Variants in MRPS28 observed in about 807,000 individuals in gnomAD.
The protein encoded by MRPS28 is mitochondrial ribosomal protein S28, also known as small ribosomal subunit protein bS1m.
Under a neutral mutation model 10.8 loss-of-function variants are expected in MRPS28, and 7 were observed. That is an observed-to-expected ratio of 0.65 (90% CI 0.37 to 1.22). The LOEUF (loss-of-function observed/expected upper bound fraction) is 1.22. Among genes scored for constraint, MRPS28 ranks in the 50% most tolerant of loss-of-function variants. The pLI is 0.02. For missense variants in MRPS28, 265 were observed against 232.9 expected (o/e 1.14, Z -0.90); for synonymous variants, 121 against 93.3 (o/e 1.30, Z -1.71).
intron 2 of MRPS28, among the ~76,000 whole-genome samples, chr8:79,943,899 T>C (rs892994878): frequency 2.0e-5 from 3 of 152,186 alleles, no homozygotes; most frequent in African/African-American, 7.2e-5. Context: ...ACCAGTGTGA[T>C]AGTGTGATGT....
intron 2 of MRPS28, among the ~76,000 whole-genome samples, chr8:79,960,620 C>T (rs552486843): frequency 1.3e-5 from 2 of 152,050 alleles, no homozygotes; most frequent in Admixed American, 1.3e-4. Flanking sequence ...GGAAACCTTC[C>T]AAAATATATG....
chr8:79,998,049 T>C (rs1037102726), intron 2 of MRPS28, among the ~76,000 whole-genome samples: 15 of 117,068 alleles, frequency 1.3e-4, no homozygotes, highest in South Asian at 3.3e-4. Flanking sequence ...AACAAGACTC[T>C]GTCTCAAAAA....
intron 2 of MRPS28, among the ~76,000 whole-genome samples, chr8:79,923,914 T>A (rs1349599568): frequency 6.6e-6 from 1 of 152,212 alleles, no homozygotes; most frequent in East Asian, 1.9e-4. Context: ...TTTAAAGACT[T>A]TCCTTTGGAG....
At chr8:79,988,585 A>G (rs1167728346) in intron 2 of MRPS28, among the ~76,000 whole-genome samples, 1 of 152,182 alleles carries the variant, frequency 6.6e-6, no homozygotes, top group Non-Finnish European at 1.5e-5. Flanking sequence ...AATTCCTAAT[A>G]TATTCAATAA....
intron 1 of MRPS28, 139 bp downstream of exon 1, chr8:80,029,897 C>G: frequency 6.5e-7 from 1 of 1,536,190 alleles, no homozygotes; most frequent in Non-Finnish European, 8.7e-7. Context: ...GGCTGAGCCA[C>G]AACGCACCGC....
At chr8:80,005,579 A>C (rs112563242) in intron 1 of MRPS28, among the ~76,000 whole-genome samples, 7,920 of 152,282 alleles carry the variant, frequency 0.052, 667 homozygotes, top group African/African-American at 0.18. Context: ...GCATAAACTA[A>C]TGAGCAAAAC....
chr8:79,983,344 G>A (rs1440134706), intron 2 of MRPS28, among the ~76,000 whole-genome samples: 1 of 152,064 alleles, frequency 6.6e-6, no homozygotes, highest in African/African-American at 2.4e-5. Context: ...CAGAAAAACT[G>A]GAAACTCTAA....
At chr8:79,983,734 A>T (rs1808054291) in intron 2 of MRPS28, among the ~76,000 whole-genome samples, 1 of 152,202 alleles carries the variant, frequency 6.6e-6, no homozygotes, top group Non-Finnish European at 1.5e-5. Flanking sequence ...AAAAAGAATA[A>T]AGAGAAACGA....
At chr8:79,925,299 T>C (rs1212861054) in intron 2 of MRPS28, among the ~76,000 whole-genome samples, 3 of 151,170 alleles carry the variant, frequency 2.0e-5, no homozygotes, top group African/African-American at 7.3e-5. Flanking sequence ...GTGCCTACCA[T>C]GAGGCCAAAT....
chr8:79,938,154 T>C (rs575004451), intron 2 of MRPS28, among the ~76,000 whole-genome samples: 33 of 152,182 alleles, frequency 2.2e-4, no homozygotes, highest in Non-Finnish European at 4.6e-4. Flanking sequence ...TCTGATTCAA[T>C]TGCTGAATAA....
chr8:79,931,528 C>A (rs2129896656), intron 2 of MRPS28, among the ~76,000 whole-genome samples: 1 of 152,174 alleles, frequency 6.6e-6, no homozygotes, highest in Admixed American at 6.5e-5. Context: ...ATTATGTAAC[C>A]CTAGGCAAGG....
chr8:79,981,421 G>A (rs527669585), intron 2 of MRPS28, among the ~76,000 whole-genome samples: 2 of 152,118 alleles, frequency 1.3e-5, no homozygotes, highest in Non-Finnish European at 2.9e-5. Flanking sequence ...CAGGAAACAG[G>A]CAAACTAAAA....
chr8:80,026,423 A>G (rs1413304454), intron 1 of MRPS28, among the ~76,000 whole-genome samples: 1 of 152,232 alleles, frequency 6.6e-6, no homozygotes, highest in Admixed American at 6.5e-5. Context: ...AGACTGTACT[A>G]TTCTTGTACA....
chr8:79,924,638 G>A (rs1432543985), intron 2 of MRPS28, among the ~76,000 whole-genome samples: 1 of 152,138 alleles, frequency 6.6e-6, no homozygotes, highest in Admixed American at 6.6e-5. Context: ...AAAATTGATT[G>A]TATACGCAAA....
Position 80,003,105 on chromosome 8 carries a change from C to T in MRPS28, c.289G>A (p.Asp97Asn). The T allele has an allele frequency of 6.2e-7, 1 of 1,613,626 alleles. No homozygotes were observed. The highest frequency in any genetic ancestry group is 8.5e-7 in the Non-Finnish European group (1 of 1,179,830). ...SPLTQMGPAK[D>N]KLVIGRIFHI... Reference sequence around the variant, plus strand: ...AAGATCCGTCCAATGACCAGTTTATCCTTTGCAGGTCCCATCTGTGTAAGA... The same window carrying T: ...AAGATCCGTCCAATGACCAGTTTATTCTTTGCAGGTCCCATCTGTGTAAGA... The change falls in exon 2 of 3, where the codon GAT becomes AAT. Residue 97 changes from aspartate (D) to asparagine (N), a missense_variant. Transcript: ENST00000276585.
intron 1 of MRPS28, among the ~76,000 whole-genome samples, chr8:80,005,346 A>G (rs1490225043): frequency 2.0e-5 from 3 of 152,234 alleles, no homozygotes; most frequent in East Asian, 3.9e-4. Flanking sequence ...ATTCTTAAAG[A>G]AAAGAATTTT....
At chr8:79,981,935 T>C (rs1380044844) in intron 2 of MRPS28, among the ~76,000 whole-genome samples, 2 of 152,200 alleles carry the variant, frequency 1.3e-5, no homozygotes, top group African/African-American at 4.8e-5. Flanking sequence ...CACGAAGTAT[T>C]CTATTTTAGG....
chr8:79,987,865 G>A (rs945138598), intron 2 of MRPS28, among the ~76,000 whole-genome samples: 8 of 152,166 alleles, frequency 5.3e-5, no homozygotes, highest in South Asian at 2.1e-4. Context: ...TCAGTGTGGC[G>A]ATTCCTCAGG....
chr8:80,005,490 T>C (rs1808810522), intron 1 of MRPS28, among the ~76,000 whole-genome samples: 2 of 152,214 alleles, frequency 1.3e-5, no homozygotes, highest in Admixed American at 6.5e-5. Flanking sequence ...AAGGAAGCAC[T>C]AAACATGGAA....
Sources: allele counts gnomAD v4.1 joint callset (sites outside exome capture counted in the v4.1 genomes callset), GRCh38; gene constraint gnomAD v4.1.1; transcripts MANE v1.5; gene names NCBI Gene and HGNC (gene_info 2026-07-23, HGNC 2026-07-21).